Variants in XKR4 observed in about 807,000 individuals in gnomAD.
XKR4 encodes XK-related protein 4.
In XKR4, 12 loss-of-function variants were observed where a neutral mutation model predicts 53.9. The observed-to-expected ratio is 0.22, with a 90% CI of 0.14 to 0.36. The LOEUF (loss-of-function observed/expected upper bound fraction) is 0.36, where lower values mean the gene tolerates loss of function less well. XKR4 is among the 10% of genes least tolerant of loss of function. XKR4 has a pLI of 1.00. For synonymous variants in XKR4, 354 were observed against 362.4 expected (o/e 0.98, Z 0.26); for missense variants, 799 against 859.5 (o/e 0.93, Z 0.88).
At chr8:55,305,389 A>T (rs1005093599) in intron 1 of XKR4, among the ~76,000 whole-genome samples, 3 of 151,994 alleles carry the variant, frequency 2.0e-5, no homozygotes, top group African/African-American at 4.8e-5. Flanking sequence ...TGCTCTAGGG[A>T]CCCAGAGAAA....
chr8:55,455,719 C>A (rs1278124905), intron 2 of XKR4, among the ~76,000 whole-genome samples: 1 of 152,196 alleles, frequency 6.6e-6, no homozygotes, highest in Non-Finnish European at 1.5e-5. Flanking sequence ...ATAACCAATG[C>A]ATTTGTGCAG....
At chr8:55,135,451 A>G (rs568508018) in intron 1 of XKR4, 51 of 354,830 alleles carry the variant, frequency 1.4e-4, no homozygotes, top group Non-Finnish European at 2.9e-4. Context: ...AAAGAATGAA[A>G]TCTAAGGGTC....
intron 2 of XKR4, among the ~76,000 whole-genome samples, chr8:55,404,332 A>G (rs534968388): frequency 6.6e-6 from 1 of 152,332 alleles, no homozygotes; most frequent in South Asian, 2.1e-4. Context: ...ACTGAATTTT[A>G]TAATAAAAAA....
intron 1 of XKR4, among the ~76,000 whole-genome samples, chr8:55,221,577 C>T (rs1817881897): frequency 6.6e-6 from 1 of 152,120 alleles, no homozygotes; most frequent in Non-Finnish European, 1.5e-5. Flanking sequence ...TTGTGGTGCT[C>T]AGACTACACG....
intron 1 of XKR4, among the ~76,000 whole-genome samples, chr8:55,247,599 T>C (rs1346625333): frequency 6.6e-6 from 1 of 152,096 alleles, no homozygotes; most frequent in African/African-American, 2.4e-5. Flanking sequence ...TATATTCTCT[T>C]GATACAAAAA....
Position 55,103,281 on chromosome 8 carries a change from G to C in XKR4, c.793G>C (p.Gly265Arg), listed in dbSNP as rs1398079203. 1 of 1,607,052 alleles carries C rather than the reference G, an allele frequency of 6.2e-7. No homozygotes were observed. The highest frequency in any genetic ancestry group is 8.5e-7 in the Non-Finnish European group (1 of 1,175,320). Reference sequence around the variant, plus strand: ...GTCACTCATCCACATCTTGCAGCTCGGGCAAATCTGGAGGTACTGTAATGG... The same window carrying C: ...GTCACTCATCCACATCTTGCAGCTCCGGCAAATCTGGAGGTACTGTAATGG... The part of the protein sequence containing the change: ...LQSLIHILQL[G>R]QIWRYFHTIY... The change falls in exon 1 of 3, where the codon GGG (glycine) becomes CGG (arginine). Residue 265 changes from glycine (G) to arginine (R), a missense_variant. This residue lies in a region of XKR4 where 476 missense variants were observed against 505.4 expected (regional missense o/e 0.94). Transcript: ENST00000327381.
intron 1 of XKR4, among the ~76,000 whole-genome samples, chr8:55,277,030 A>T (rs1365682401): frequency 6.6e-6 from 1 of 152,222 alleles, no homozygotes; most frequent in Non-Finnish European, 1.5e-5. Flanking sequence ...TGTATAGCTG[A>T]GTCTGACAGC....
chr8:55,326,736 G>A (rs1329895621), intron 1 of XKR4, among the ~76,000 whole-genome samples: 2 of 151,948 alleles, frequency 1.3e-5, no homozygotes, highest in East Asian at 3.9e-4. Context: ...CTCCCAAAGT[G>A]CTGAGATTAC....
chr8:55,478,924 G>T (rs1189497934), intron 2 of XKR4, among the ~76,000 whole-genome samples: 1 of 152,038 alleles, frequency 6.6e-6, no homozygotes, highest in Non-Finnish European at 1.5e-5. Context: ...CATACAAAGA[G>T]ACTTAGACTC....
At chr8:55,471,280 A>G (rs1441849111) in intron 2 of XKR4, among the ~76,000 whole-genome samples, 2 of 152,120 alleles carry the variant, frequency 1.3e-5, no homozygotes, top group South Asian at 2.1e-4. Flanking sequence ...AGGAAAGTAA[A>G]GAGACTATTA....
intron 1 of XKR4, among the ~76,000 whole-genome samples, chr8:55,323,262 G>A (rs1012928482): frequency 1.3e-5 from 2 of 152,014 alleles, no homozygotes; most frequent in Non-Finnish European, 2.9e-5. Context: ...TTTGACAAAG[G>A]CACACAGCCC....
chr8:55,205,259 T>C (rs1020749627), intron 1 of XKR4, among the ~76,000 whole-genome samples: 1 of 152,256 alleles, frequency 6.6e-6, no homozygotes, highest in African/African-American at 2.4e-5. Context: ...ACAATTTTCA[T>C]GTCATACAAC....
chr8:55,224,759 C>T (rs1046671413), intron 1 of XKR4, among the ~76,000 whole-genome samples: 2 of 152,064 alleles, frequency 1.3e-5, no homozygotes, highest in Admixed American at 1.3e-4. Flanking sequence ...TTTTTTCCTA[C>T]AAAGAATCCT....
At chr8:55,147,512 T>G (rs987290458) in intron 1 of XKR4, among the ~76,000 whole-genome samples, 5 of 152,246 alleles carry the variant, frequency 3.3e-5, no homozygotes, top group African/African-American at 1.2e-4. Flanking sequence ...AAGCTCATGA[T>G]TCAGATTCTA....
At chr8:55,141,863 C>T (rs2129354311) in intron 1 of XKR4, among the ~76,000 whole-genome samples, 1 of 152,094 alleles carries the variant, frequency 6.6e-6, no homozygotes, top group East Asian at 1.9e-4. Context: ...CTCTAAGGGG[C>T]ATAGAGGGGT....
chr8:55,462,368 C>G (rs1158953478), intron 2 of XKR4, among the ~76,000 whole-genome samples: 1 of 152,084 alleles, frequency 6.6e-6, no homozygotes, highest in East Asian at 1.9e-4. Context: ...CATATCCAGC[C>G]AAACTAAGCT....
chr8:55,214,093 C>T (rs1048707604), intron 1 of XKR4, among the ~76,000 whole-genome samples: 2 of 152,042 alleles, frequency 1.3e-5, no homozygotes, highest in Non-Finnish European at 2.9e-5. Context: ...AATTCCTGCC[C>T]TCTAGTGATT....
intron 2 of XKR4, among the ~76,000 whole-genome samples, chr8:55,478,434 A>C (rs1806039618): frequency 6.6e-6 from 1 of 152,094 alleles, no homozygotes; most frequent in South Asian, 2.1e-4. Context: ...GGTACCAGCC[A>C]CTGCAAAAAC....
intron 2 of XKR4, among the ~76,000 whole-genome samples, chr8:55,515,914 A>G (rs546986907): frequency 6.6e-6 from 1 of 152,268 alleles, no homozygotes; most frequent in Non-Finnish European, 1.5e-5. Context: ...CTGCACTTGT[A>G]AGTCTCATGC....
Sources: allele counts gnomAD v4.1 joint callset (sites outside exome capture counted in the v4.1 genomes callset), GRCh38; gene constraint gnomAD v4.1.1; regional missense constraint gnomAD v4.1.1; transcripts MANE v1.5; gene names NCBI Gene and HGNC (gene_info 2026-07-23, HGNC 2026-07-21).